Variants in TYW1 observed in about 807,000 individuals in gnomAD.
TYW1 encodes tRNA-yW synthesizing protein 1 homolog, also known as S-adenosyl-L-methionine-dependent tRNA 4-demethylwyosine synthase TYW1.
A neutral mutation model predicts 96.2 loss-of-function variants in TYW1; 46 were observed. The observed-to-expected ratio is 0.48, with a 90% CI of 0.38 to 0.61. The LOEUF is 0.61. Ranked by LOEUF, TYW1 falls within the 20% of genes least tolerant of loss-of-function variation. The pLI is 0.00. For missense variants in TYW1, 684 were observed against 909.6 expected (o/e 0.75, Z 3.19); for synonymous variants, 274 against 323.0 (o/e 0.85, Z 1.63).
In TYW1 at chr7:67,094,651, A is replaced by AGGGTGTGT. The variant is rs745340578; in HGVS notation, c.1385-3889_1385-3888insGGTGTGTG. ...GGGAGGAAGAGAGAGAGAGAATTAG[A>AGGGTGTGT]GTGTGTGTGTGTGTGTGTGTGTGTG... On this transcript the variant is annotated intron_variant, in intron 11 of 15. Transcript: ENST00000359626. 2.0e-4 allele frequency among the ~76,000 whole-genome samples: 29 copies of AGGGTGTGT among 141,716 alleles called. 1 individual carries two copies. Among genetic ancestry groups the AGGGTGTGT allele is most frequent in the African/African-American group, 4.6e-4 (18 of 38,714 alleles). 93.0% of individuals were successfully genotyped at this position (141,716 alleles called of 152,430 possible).
At chr7:67,194,016 A>T (rs1281193332) in intron 14 of TYW1, among the ~76,000 whole-genome samples, 1 of 152,136 alleles carries the variant, frequency 6.6e-6, no homozygotes, top group Non-Finnish European at 1.5e-5. Flanking sequence ...CCACAGAGTT[A>T]AGATTTATTT....
chr7:67,179,707 A>G (rs1025061414), intron 13 of TYW1, among the ~76,000 whole-genome samples: 1 of 139,078 alleles, frequency 7.2e-6, no homozygotes, highest in Non-Finnish European at 1.6e-5. Flanking sequence ...GTTCAGATGA[A>G]TTGTAAACTC....
intron 7 of TYW1, among the ~76,000 whole-genome samples, chr7:67,039,837 A>G (rs1794959731): frequency 6.6e-6 from 1 of 151,250 alleles, no homozygotes; most frequent in Non-Finnish European, 1.5e-5. Flanking sequence ...TAATTTTTGT[A>G]TTTTTAGTAT....
chr7:67,128,639 A>G (rs1797974453), intron 13 of TYW1, among the ~76,000 whole-genome samples: 1 of 150,166 alleles, frequency 6.7e-6, no homozygotes, highest in Non-Finnish European at 1.5e-5. Context: ...ATGTGATGGT[A>G]TGGTGTATGG....
chr7:67,218,768 G>T (rs981656708), intron 15 of TYW1, among the ~76,000 whole-genome samples: 1 of 152,102 alleles, frequency 6.6e-6, no homozygotes, highest in African/African-American at 2.4e-5. Flanking sequence ...CTGCCACTTT[G>T]CTGAATTCCT....
chr7:67,135,162 C>CAGAG (rs747224302), intron 13 of TYW1, among the ~76,000 whole-genome samples: 1 of 149,040 alleles, frequency 6.7e-6, no homozygotes, highest in African/African-American at 2.5e-5. Context: ...TATGTATATA[C>CAGAG]AGAGAGAGAG....
intron 4 of TYW1, among the ~76,000 whole-genome samples, chr7:67,012,936 A>G (rs565888547): frequency 6.6e-6 from 1 of 151,730 alleles, no homozygotes; most frequent in Non-Finnish European, 1.5e-5. Context: ...AAATCCAAAA[A>G]ACTTCCCATC....
chr7:67,099,031 A>T (rs111270179), intron 12 of TYW1, among the ~76,000 whole-genome samples: 5,616 of 140,128 alleles, frequency 0.04, 155 homozygotes, highest in Middle Eastern at 0.11. Flanking sequence ...TATTATTATT[A>T]TTTTTTTTTT....
intron 13 of TYW1, among the ~76,000 whole-genome samples, chr7:67,156,826 C>G (rs1173036307): frequency 6.6e-6 from 1 of 151,334 alleles, no homozygotes; most frequent in East Asian, 1.9e-4. Context: ...TGTGAATTCT[C>G]TCTCTGGAAC....
chr7:67,237,701 C>T (rs189243504), intron 15 of TYW1, among the ~76,000 whole-genome samples: 1 of 152,016 alleles, frequency 6.6e-6, no homozygotes, highest in East Asian at 1.9e-4. Context: ...CATTATTCCA[C>T]CGTGACTTTT....
chr7:67,231,921 CT>C (rs1266064519), intron 15 of TYW1, among the ~76,000 whole-genome samples: 1 of 151,452 alleles, frequency 6.6e-6, no homozygotes, highest in South Asian at 2.1e-4. Flanking sequence ...TGGACTAGTT[CT>C]TTAATATTAA....
At chr7:67,097,985 G>A (rs1338199963) in intron 11 of TYW1, among the ~76,000 whole-genome samples, 4 of 152,140 alleles carry the variant, frequency 2.6e-5, no homozygotes, top group African/African-American at 9.7e-5. Flanking sequence ...ACAGGTGTGA[G>A]CTACTGCGCC....
Position 67,094,651 on chromosome 7 carries a change from A to AGGGTGTGTGT in TYW1, c.1385-3889_1385-3888insGGTGTGTGTG, listed in dbSNP as rs745340578. On this transcript the variant is annotated intron_variant, in intron 11 of 15. Transcript: ENST00000359626. ...GGGAGGAAGAGAGAGAGAGAATTAGAGTGTGTGTGTGTGTGTGTGTGTGTG... is the reference window on the plus strand; with the variant it reads ...GGGAGGAAGAGAGAGAGAGAATTAGAGGGTGTGTGTGTGTGTGTGTGTGTGTGTGTGTGTG... 4.7e-4 allele frequency among the ~76,000 whole-genome samples: 67 copies of AGGGTGTGTGT among 141,600 alleles called. 1 individual carries two copies. Among genetic ancestry groups the AGGGTGTGTGT allele is most frequent in the African/African-American group, 1.6e-3 (60 of 38,596 alleles). The allele number at this position is 141,600 out of a possible 152,430, so 92.9% of individuals were successfully genotyped here. A position where few individuals can be genotyped will look rare whatever the true frequency, so the allele number is the denominator to read the frequency against.
intron 15 of TYW1, among the ~76,000 whole-genome samples, chr7:67,234,418 T>C (rs6962901): frequency 0.27 from 39,799 of 149,900 alleles, 5,620 homozygotes; most frequent in African/African-American, 0.36. Flanking sequence ...ACTTTCCGTG[T>C]ACATGTACCA....
intron 12 of TYW1, among the ~76,000 whole-genome samples, chr7:67,100,673 C>T (rs996442017): frequency 3.3e-5 from 5 of 151,634 alleles, no homozygotes; most frequent in African/African-American, 2.4e-5. Context: ...GGTGAAACCC[C>T]GTCTCTACTA....
At chr7:67,195,630 C>G (rs990784405) in intron 15 of TYW1, among the ~76,000 whole-genome samples, 6 of 152,138 alleles carry the variant, frequency 3.9e-5, no homozygotes, top group African/African-American at 1.4e-4. Flanking sequence ...GTAATAACCT[C>G]TAGTCCTTTC....
intron 5 of TYW1, among the ~76,000 whole-genome samples, chr7:67,016,287 CCTGTAA>C (rs1794020726): frequency 6.6e-6 from 1 of 150,392 alleles, no homozygotes; most frequent in African/African-American, 2.4e-5. Flanking sequence ...GTGGCACACT[CCTGTAA>C]TGCCAGCACT....
intron 15 of TYW1, among the ~76,000 whole-genome samples, chr7:67,231,032 C>T (rs6947110): frequency 0.27 from 40,741 of 152,018 alleles, 5,821 homozygotes; most frequent in African/African-American, 0.36. Flanking sequence ...CCCCACCCTC[C>T]TAACATACAC....
chr7:67,176,802 C>T (rs924330079), intron 13 of TYW1, among the ~76,000 whole-genome samples: 3 of 152,068 alleles, frequency 2.0e-5, no homozygotes, highest in Non-Finnish European at 2.9e-5. Context: ...AACATTGGCA[C>T]CATCGACATT....
Sources: allele counts gnomAD v4.1 joint callset (sites outside exome capture counted in the v4.1 genomes callset), GRCh38; gene constraint gnomAD v4.1.1; transcripts MANE v1.5; gene names NCBI Gene and HGNC (gene_info 2026-07-23, HGNC 2026-07-21).